The following SPAG16 variants were observed in gnomAD, a reference collection of about 807,000 sequenced individuals.
SPAG16 encodes sperm associated antigen 16, also known as sperm-associated antigen 16 protein.
Under a neutral mutation model 80.4 loss-of-function variants are expected in SPAG16, and 86 were observed. The observed-to-expected ratio is 1.07, with a 90% CI of 0.90 to 1.28. The LOEUF (loss-of-function observed/expected upper bound fraction) is 1.28, where lower values mean the gene tolerates loss of function less well. Ranked by LOEUF, SPAG16 falls within the 50% of genes most tolerant of loss-of-function variation. The pLI is 0.00. For missense variants in SPAG16, 870 were observed against 765.3 expected (o/e 1.14, Z -1.61); for synonymous variants, 294 against 265.9 (o/e 1.11, Z -1.03).
At chr2:214,312,795 C>T (rs957877336) in intron 15 of SPAG16, among the ~76,000 whole-genome samples, 3 of 152,000 alleles carry the variant, frequency 2.0e-5, no homozygotes, top group Non-Finnish European at 4.4e-5. Flanking sequence ...ATATTCTAAG[C>T]AAAAAGTCTC....
chr2:214,208,872 G>T (rs1014253621), intron 15 of SPAG16, among the ~76,000 whole-genome samples: 1 of 152,142 alleles, frequency 6.6e-6, no homozygotes, highest in Admixed American at 6.6e-5. Flanking sequence ...TCATAGGTTT[G>T]TGGTGGGGAA....
chr2:214,270,990 A>T (rs1013405507), intron 15 of SPAG16, among the ~76,000 whole-genome samples: 1 of 152,172 alleles, frequency 6.6e-6, no homozygotes, highest in Non-Finnish European at 1.5e-5. Context: ...ACAGTGCCCA[A>T]TAGAAAGTAA....
chr2:214,082,431 C>G (rs922081255), intron 13 of SPAG16, among the ~76,000 whole-genome samples: 2 of 152,162 alleles, frequency 1.3e-5, no homozygotes, highest in African/African-American at 4.8e-5. Flanking sequence ...ACTCTTAATA[C>G]TACTTTAGTT....
intron 10 of SPAG16, among the ~76,000 whole-genome samples, chr2:213,517,900 G>A (rs529224493): frequency 1.2e-3 from 184 of 152,278 alleles, no homozygotes; most frequent in African/African-American, 4.1e-3. Flanking sequence ...CCTTGGCAAA[G>A]ATTTTTGGAC....
intron 14 of SPAG16, among the ~76,000 whole-genome samples, chr2:214,108,483 CCA>C (rs1553719355): frequency 7.9e-6 from 1 of 127,182 alleles, no homozygotes; most frequent in African/African-American, 3.0e-5. Context: ...ACACACACCC[CCA>C]CACACACCCC....
chr2:213,884,107 G>A (rs544979089), intron 11 of SPAG16, among the ~76,000 whole-genome samples: 33 of 152,188 alleles, frequency 2.2e-4, no homozygotes, highest in African/African-American at 7.9e-4. Flanking sequence ...AGTGCCTATG[G>A]GCTATGTGCC....
intron 10 of SPAG16, among the ~76,000 whole-genome samples, chr2:213,818,286 C>T (rs1022886176): frequency 1.3e-5 from 2 of 152,168 alleles, no homozygotes; most frequent in Non-Finnish European, 2.9e-5. Flanking sequence ...AATATGACAA[C>T]CATTGTTCAC....
intron 13 of SPAG16, among the ~76,000 whole-genome samples, chr2:214,061,197 A>C (rs764732373): frequency 6.6e-6 from 1 of 152,206 alleles, no homozygotes; most frequent in Non-Finnish European, 1.5e-5. Context: ...GAAAGTACAT[A>C]AAGCTTGGAA....
intron 9 of SPAG16, among the ~76,000 whole-genome samples, chr2:213,449,760 A>T (rs2071576007): frequency 1.3e-5 from 2 of 152,202 alleles, no homozygotes; most frequent in Admixed American, 6.5e-5. Flanking sequence ...CTCATGGGAG[A>T]TACCTGCACA....
intron 9 of SPAG16, among the ~76,000 whole-genome samples, chr2:213,402,227 C>T (rs999811712): frequency 6.6e-6 from 1 of 151,832 alleles, no homozygotes; most frequent in Non-Finnish European, 1.5e-5. Flanking sequence ...TGTCTTTTAT[C>T]ATTTCTCAGA....
At chr2:213,417,656 A>G (rs1480028322) in intron 9 of SPAG16, among the ~76,000 whole-genome samples, 1 of 152,202 alleles carries the variant, frequency 6.6e-6, no homozygotes, top group African/African-American at 2.4e-5. Flanking sequence ...CAAAACATTC[A>G]GAAAGTATAT....
At chr2:213,930,214 C>CTTT in intron 12 of SPAG16, 69 bp downstream of exon 12, 1 of 966,114 alleles carries the variant, frequency 1.0e-6, no homozygotes, top group Non-Finnish European at 1.4e-6. Flanking sequence ...TGGTAAAGTT[C>CTTT]TTTTTTTTTT....
chr2:213,845,515 A>G (rs2074579370), intron 10 of SPAG16, among the ~76,000 whole-genome samples: 1 of 152,128 alleles, frequency 6.6e-6, no homozygotes, highest in Non-Finnish European at 1.5e-5. Context: ...AATCGTAATG[A>G]ACATGAACAG....
chr2:214,022,881 A>C (rs183067424), intron 13 of SPAG16, among the ~76,000 whole-genome samples: 1 of 152,058 alleles, frequency 6.6e-6, no homozygotes, highest in East Asian at 1.9e-4. Flanking sequence ...AAATACATAA[A>C]TTATGCAATT....
intron 10 of SPAG16, among the ~76,000 whole-genome samples, chr2:213,641,745 A>C (rs1485641979): frequency 6.6e-6 from 1 of 152,168 alleles, no homozygotes; most frequent in African/African-American, 2.4e-5. Context: ...GTATTAGTCC[A>C]TTGTCACACT....
At chr2:213,285,611 G>A (rs2062027193) in intron 1 of SPAG16, among the ~76,000 whole-genome samples, 1 of 152,130 alleles carries the variant, frequency 6.6e-6, no homozygotes, top group African/African-American at 2.4e-5. Flanking sequence ...TTGACAAGCC[G>A]ATTAACCTGT....
At chr2:213,920,941 C>T (rs1303516764) in intron 11 of SPAG16, among the ~76,000 whole-genome samples, 1 of 152,190 alleles carries the variant, frequency 6.6e-6, no homozygotes, top group Non-Finnish European at 1.5e-5. Flanking sequence ...TAGGGGTCTC[C>T]TCCTGCCAAG....
At chr2:213,493,157 A>G (rs1436749564) in intron 10 of SPAG16, among the ~76,000 whole-genome samples, 5 of 152,246 alleles carry the variant, frequency 3.3e-5, no homozygotes, top group Non-Finnish European at 5.9e-5. Context: ...GTAATACACA[A>G]CTATATGACC....
At chr2:213,530,869 T>G (rs1192606257) in intron 10 of SPAG16, among the ~76,000 whole-genome samples, 3 of 152,164 alleles carry the variant, frequency 2.0e-5, no homozygotes, top group Non-Finnish European at 2.9e-5. Flanking sequence ...TGATTTTATG[T>G]ACCAATCATG....
Sources: allele counts gnomAD v4.1 joint callset (sites outside exome capture counted in the v4.1 genomes callset), GRCh38; gene constraint gnomAD v4.1.1; transcripts MANE v1.5; gene names NCBI Gene and HGNC (gene_info 2026-07-23, HGNC 2026-07-21).